The following TXNDC16 variants were observed in gnomAD, a reference collection of about 807,000 sequenced individuals.
The protein encoded by TXNDC16 is thioredoxin domain containing 16.
In TXNDC16, 74 loss-of-function variants were observed where a neutral mutation model predicts 85.6. The observed-to-expected ratio is 0.86, with a 90% CI of 0.72 to 1.05. TXNDC16 has a LOEUF of 1.05. Ranked by LOEUF, TXNDC16 falls within the 50% of genes least tolerant of loss-of-function variation. The pLI is 0.00. For synonymous variants in TXNDC16, 335 were observed against 326.5 expected, an observed-to-expected ratio of 1.03 and a Z score of -0.28; for missense variants, 959 against 947.0, an observed-to-expected ratio of 1.01 and a Z score of -0.17.
intron 14 of TXNDC16, among the ~76,000 whole-genome samples, chr14:52,477,002 A>G (rs1312916260): frequency 6.6e-6 from 1 of 152,210 alleles, no homozygotes; most frequent in East Asian, 1.9e-4. Flanking sequence ...CAAGCTAGAA[A>G]GGATTGGGGC....
chr14:52,438,584 A>T (rs1267822577), intron 20 of TXNDC16, among the ~76,000 whole-genome samples: 1 of 152,236 alleles, frequency 6.6e-6, no homozygotes, highest in African/African-American at 2.4e-5. Flanking sequence ...TAGTGTAAAC[A>T]TAACTTTTAT....
At chr14:52,439,080 T>C in intron 20 of TXNDC16, 124 bp downstream of exon 20, 1 of 1,030,946 alleles carries the variant, frequency 9.7e-7, no homozygotes, top group Non-Finnish European at 1.4e-6. Context: ...TCAGAGACTG[T>C]CCACATGGAT....
At chr14:52,498,982 C>T (rs2140164902) in intron 9 of TXNDC16, among the ~76,000 whole-genome samples, 1 of 152,094 alleles carries the variant, frequency 6.6e-6, no homozygotes, top group Non-Finnish European at 1.5e-5. Flanking sequence ...ACACATAGAC[C>T]AATGGAACAA....
In TXNDC16 at chr14:52,529,056, A is replaced by G. The variant is rs531015773; in HGVS notation, c.392+7663T>C. 8.0e-5 allele frequency among the ~76,000 whole-genome samples: 12 copies of G among 149,566 alleles called. No individual in the cohort carries two copies. In the South Asian group the frequency reaches 2.5e-3, roughly 31 times the overall value. ...ATTATCTATATAATACCTATTATAT[A>G]GCAATGACTTGTAACCAACCCAAAC... On this transcript the variant is annotated intron_variant, in intron 6 of 20. Coordinates refer to ENST00000281741, the MANE Select transcript of TXNDC16 (RefSeq NM_020784.3).
At position 52,484,294 on chromosome 14, in the gene TXNDC16, T is replaced by A. The variant is rs538949508; in HGVS notation, c.1109-1329A>T. Among the ~76,000 whole-genome samples, 331 of 152,230 alleles carry A rather than the reference T, an allele frequency of 2.2e-3. 3 individuals are homozygous for A. The highest frequency in any genetic ancestry group is 7.5e-3 in the African/African-American group (312 of 41,542). On this transcript the variant is annotated intron_variant, in intron 12 of 20. Coordinates refer to ENST00000281741, the MANE Select transcript of TXNDC16 (RefSeq NM_020784.3). ...AATTTGTTCTATTATTCTCTCTCCG[T>A]ATGTTCGTAATTCTCTGTAACAACA... is the stretch of plus-strand genomic sequence containing the variant.
At chr14:52,512,894 C>T (rs2036990589) in intron 8 of TXNDC16, among the ~76,000 whole-genome samples, 1 of 152,116 alleles carries the variant, frequency 6.6e-6, no homozygotes, top group South Asian at 2.1e-4. Context: ...AAAACAGCTA[C>T]CATGTTGTAT....
At chr14:52,467,558 C>T (rs2035805974) in intron 16 of TXNDC16, among the ~76,000 whole-genome samples, 2 of 152,154 alleles carry the variant, frequency 1.3e-5, no homozygotes, top group African/African-American at 4.8e-5. Context: ...TCACCTCACA[C>T]CCATTAAGAT....
chr14:52,530,197 A>T (rs1179151382), intron 6 of TXNDC16, among the ~76,000 whole-genome samples: 38 of 76,014 alleles, frequency 5.0e-4, no homozygotes, highest in Non-Finnish European at 1.7e-4. Flanking sequence ...TTATATTTAT[A>T]TATATTATAT....
intron 20 of TXNDC16, among the ~76,000 whole-genome samples, chr14:52,438,118 T>G (rs926537387): frequency 2.0e-5 from 3 of 152,202 alleles, no homozygotes; most frequent in Non-Finnish European, 4.4e-5. Flanking sequence ...GGAAAGCGGT[T>G]TCTTGAGTTG....
chr14:52,468,370 T>C (rs1440189923), intron 16 of TXNDC16, among the ~76,000 whole-genome samples: 1 of 152,114 alleles, frequency 6.6e-6, no homozygotes, highest in Non-Finnish European at 1.5e-5. Context: ...ACAAAAATGA[T>C]AGGGTTTTTT....
chr14:52,433,512 A>G (rs2034955445), intron 20 of TXNDC16, among the ~76,000 whole-genome samples: 1 of 152,236 alleles, frequency 6.6e-6, no homozygotes, highest in Non-Finnish European at 1.5e-5. Context: ...ATAAATGCTC[A>G]TAAGATACAA....
chr14:52,445,195 C>T (rs987921111), intron 18 of TXNDC16, among the ~76,000 whole-genome samples: 1 of 152,102 alleles, frequency 6.6e-6, no homozygotes, highest in African/African-American at 2.4e-5. Context: ...AAAAATACTA[C>T]ACTATGTATA....
rs527415937 is a variant in TXNDC16 at position 52,492,838 on chromosome 14, G to C, written c.757-1833C>G. On this transcript the variant is annotated intron_variant, in intron 9 of 20. Coordinates refer to ENST00000281741, the MANE Select transcript of TXNDC16 (RefSeq NM_020784.3). ...CCTCCTCGGCCCAGTCAGCCAAAGA[G>C]AGTCAGTACTATTTTGGCCACATCT... Among the ~76,000 whole-genome samples the C allele has an allele frequency of 2.0e-5, 3 of 152,274 alleles. 1 individual carries two copies. Among genetic ancestry groups the C allele is most frequent in the South Asian group, 4.2e-4 (2 of 4,818 alleles).
intron 9 of TXNDC16, among the ~76,000 whole-genome samples, chr14:52,496,674 C>T (rs2036541630): frequency 6.7e-6 from 1 of 148,862 alleles, no homozygotes; most frequent in African/African-American, 2.5e-5. Flanking sequence ...GGCATGATTA[C>T]AGCTCACTAC....
intron 19 of TXNDC16, 36 bp downstream of exon 19, chr14:52,440,528 T>C: frequency 6.7e-7 from 1 of 1,486,120 alleles, no homozygotes; most frequent in Non-Finnish European, 9.0e-7. Flanking sequence ...TTACTTTCTT[T>C]ACCTCTTACA....
intron 20 of TXNDC16, among the ~76,000 whole-genome samples, chr14:52,437,774 T>C (rs1263581390): frequency 6.6e-6 from 1 of 152,208 alleles, no homozygotes; most frequent in East Asian, 1.9e-4. Context: ...TAGACACTTC[T>C]GAAAAGAAGA....
intron 16 of TXNDC16, chr14:52,462,851 T>C (rs1398754376): frequency 4.6e-6 from 2 of 437,088 alleles, no homozygotes; most frequent in Non-Finnish European, 9.1e-6. Flanking sequence ...TGTTTGTAGG[T>C]AGTTGTAGCC....
At chr14:52,516,847 T>C (rs1311662101) in intron 7 of TXNDC16, among the ~76,000 whole-genome samples, 1 of 152,090 alleles carries the variant, frequency 6.6e-6, no homozygotes, top group Non-Finnish European at 1.5e-5. Flanking sequence ...CTTCCCGTCA[T>C]TCCATGAAGA....
intron 18 of TXNDC16, among the ~76,000 whole-genome samples, chr14:52,452,088 G>C (rs2035425334): frequency 6.6e-6 from 1 of 152,068 alleles, no homozygotes; most frequent in Non-Finnish European, 1.5e-5. Flanking sequence ...ATTTACAATA[G>C]CCACAAGTAA....
Sources: allele counts gnomAD v4.1 joint callset (sites outside exome capture counted in the v4.1 genomes callset), GRCh38; gene constraint gnomAD v4.1.1; transcripts MANE v1.5; gene names NCBI Gene and HGNC (gene_info 2026-07-23, HGNC 2026-07-21).